SNTB1: variants seen among roughly 807,000 people sequenced by gnomAD.
The protein encoded by SNTB1 is beta-1-syntrophin.
A neutral mutation model predicts 48.9 loss-of-function variants in SNTB1; 36 were observed. That is an observed-to-expected ratio of 0.74 (90% CI 0.56 to 0.97). The LOEUF (loss-of-function observed/expected upper bound fraction) is 0.97. SNTB1 is among the 50% of genes least tolerant of loss of function. SNTB1 has a pLI of 0.00. For missense variants in SNTB1, 786 were observed against 703.4 expected, an observed-to-expected ratio of 1.12 and a Z score of -1.33; for synonymous variants, 299 against 294.6, an observed-to-expected ratio of 1.01 and a Z score of -0.15.
At chr8:120,705,745 C>T (rs986238359) in intron 1 of SNTB1, among the ~76,000 whole-genome samples, 3 of 152,194 alleles carry the variant, frequency 2.0e-5, no homozygotes, top group Admixed American at 6.5e-5. Context: ...AGATACATTA[C>T]CAAGCATAAA....
rs1330390453 is a variant in SNTB1 at position 120,669,494 on chromosome 8, G to A, written c.788+24198C>T. 1.8e-4 allele frequency among the ~76,000 whole-genome samples: 16 copies of A among 87,750 alleles called. 3 individuals are homozygous for A. In the South Asian group the frequency reaches 4.3e-3, roughly 24 times the overall value. The allele number at this position is 87,750 out of a possible 152,430, so 57.6% of individuals were successfully genotyped here. A position where few individuals can be genotyped will look rare whatever the true frequency, so the allele number is the denominator to read the frequency against. ...GGAGTCTCGCTCTGTCGCCCAGGCC[G>A]GACTGCGGACTGCAGTGGCGCAATC... On this transcript the variant is annotated intron_variant, in intron 2 of 6. Coordinates refer to ENST00000517992, the MANE Select transcript of SNTB1 (RefSeq NM_021021.4).
At position 120,634,977 on chromosome 8, in the gene SNTB1, G is replaced by A. The variant is rs573123734; in HGVS notation, c.789-2326C>T. Among the ~76,000 whole-genome samples the A allele has an allele frequency of 1.3e-4, 19 of 151,424 alleles. No homozygotes were observed. In the South Asian group the frequency reaches 2.9e-3, roughly 23 times the overall value. On this transcript the variant is annotated intron_variant, in intron 2 of 6. Coordinates refer to ENST00000517992, the MANE Select transcript of SNTB1 (RefSeq NM_021021.4). ...CGCCATTCTCCTGCCTCAGCCTCCC[G>A]AGTAGCTGGGACCACAGGCACCCGC...
chr8:120,807,265 A>G (rs987348526), intron 1 of SNTB1, among the ~76,000 whole-genome samples: 4 of 152,222 alleles, frequency 2.6e-5, no homozygotes, highest in African/African-American at 9.7e-5. Context: ...CTATTTTACT[A>G]TCAATCCAAG....
At chr8:120,585,154 A>G (rs1229330775) in intron 3 of SNTB1, among the ~76,000 whole-genome samples, 1 of 152,222 alleles carries the variant, frequency 6.6e-6, no homozygotes, top group Non-Finnish European at 1.5e-5. Flanking sequence ...TAATCCTTTC[A>G]GCAACACTTT....
intron 1 of SNTB1, among the ~76,000 whole-genome samples, chr8:120,740,770 T>TTA (rs1563586256): frequency 1.3e-5 from 2 of 152,004 alleles, no homozygotes; most frequent in African/African-American, 4.8e-5. Flanking sequence ...CTTTTTTTTT[T>TTA]AATCACTTTT....
intron 2 of SNTB1, among the ~76,000 whole-genome samples, chr8:120,634,836 G>C (rs921264822): frequency 6.6e-6 from 1 of 151,524 alleles, no homozygotes; most frequent in Non-Finnish European, 1.5e-5. Flanking sequence ...GGGAACTTTA[G>C]CCATAATTAG....
chr8:120,576,381 T>G (rs998694227), intron 3 of SNTB1, among the ~76,000 whole-genome samples: 10 of 152,342 alleles, frequency 6.6e-5, no homozygotes, highest in Middle Eastern at 3.4e-3. Flanking sequence ...TTATTATTAC[T>G]TTATCTTAAG....
At chr8:120,569,806 A>T (rs1331955881) in intron 4 of SNTB1, among the ~76,000 whole-genome samples, 1 of 152,136 alleles carries the variant, frequency 6.6e-6, no homozygotes, top group Non-Finnish European at 1.5e-5. Context: ...GAGGGTGAGG[A>T]TCTGAATTGT....
intron 4 of SNTB1, among the ~76,000 whole-genome samples, chr8:120,563,878 G>A (rs1815703946): frequency 6.6e-6 from 1 of 152,122 alleles, no homozygotes; most frequent in South Asian, 2.1e-4. Flanking sequence ...GGGAGGCCAA[G>A]GCGAGTGGAT....
At chr8:120,572,892 G>T (rs558052551) in intron 4 of SNTB1, among the ~76,000 whole-genome samples, 2 of 152,170 alleles carry the variant, frequency 1.3e-5, no homozygotes, top group East Asian at 3.9e-4. Flanking sequence ...TCCAGACTGG[G>T]TGACAAGAGT....
rs948192116 is a variant in SNTB1 at position 120,541,729 on chromosome 8, G to A, written c.1524+81C>T. On this transcript the variant is annotated intron_variant, in intron 6 of 6. Coordinates refer to ENST00000517992, the MANE Select transcript of SNTB1 (RefSeq NM_021021.4). ...AGCACATCATTAGCAGTCAAATGCC[G>A]AATAAGAGTAAGGCAGCATTATGTT... 67 of 1,041,372 alleles carry A rather than the reference G, an allele frequency of 6.4e-5. 1 individual carries two copies. Among genetic ancestry groups the A allele is most frequent in the Non-Finnish European group, 8.4e-5 (62 of 737,168 alleles). The allele number at this position is 1,041,372 out of a possible 1,614,324, so 64.5% of individuals were successfully genotyped here.
At chr8:120,691,688 A>C (rs1019189646) in intron 2 of SNTB1, among the ~76,000 whole-genome samples, 2 of 152,156 alleles carry the variant, frequency 1.3e-5, no homozygotes, top group African/African-American at 4.8e-5. Context: ...TTAAATGTGA[A>C]GTTTTTCAGT....
chr8:120,588,800 G>A (rs1816190834), intron 3 of SNTB1, among the ~76,000 whole-genome samples: 2 of 152,208 alleles, frequency 1.3e-5, no homozygotes, highest in African/African-American at 4.8e-5. Context: ...GCTTCAGAAT[G>A]AGTGGCGCTG....
chr8:120,801,812 A>T (rs1396916165), intron 1 of SNTB1, among the ~76,000 whole-genome samples: 1 of 152,112 alleles, frequency 6.6e-6, no homozygotes, highest in Non-Finnish European at 1.5e-5. Flanking sequence ...TTTAAATTAA[A>T]TTATCTATCT....
At chr8:120,658,093 C>G (rs1179956116) in intron 2 of SNTB1, among the ~76,000 whole-genome samples, 2 of 152,178 alleles carry the variant, frequency 1.3e-5, no homozygotes, top group Non-Finnish European at 2.9e-5. Context: ...TCTACTAAAT[C>G]TTTCCTTAGT....
Position 120,789,156 on chromosome 8 carries a change from C to T in SNTB1, c.571+22117G>A, listed in dbSNP as rs28813806. On this transcript the variant is annotated intron_variant, in intron 1 of 6. Transcript: ENST00000517992. ...TCCAGAATGATTTTTGTTTTAACAACGAAATAAAGATGAAAATTTAAGAAT... is the reference window on the plus strand; with the variant it reads ...TCCAGAATGATTTTTGTTTTAACAATGAAATAAAGATGAAAATTTAAGAAT... Among the ~76,000 whole-genome samples, 348 of 151,742 alleles carry T rather than the reference C, an allele frequency of 2.3e-3. 1 individual carries two copies. Among genetic ancestry groups the T allele is most frequent in the African/African-American group, 7.7e-3 (317 of 41,398 alleles).
chr8:120,560,351 C>T (rs1280435539), intron 4 of SNTB1, among the ~76,000 whole-genome samples: 1 of 152,056 alleles, frequency 6.6e-6, no homozygotes, highest in African/African-American at 2.4e-5. Flanking sequence ...GGCTTGGTGG[C>T]GGGCACCTGT....
At chr8:120,745,100 A>AG (rs1248147367) in intron 1 of SNTB1, among the ~76,000 whole-genome samples, 4 of 151,698 alleles carry the variant, frequency 2.6e-5, no homozygotes, top group African/African-American at 9.7e-5. Flanking sequence ...GTGGAAAAAA[A>AG]GAGGTCTCGG....
chr8:120,548,924 G>A lies in SNTB1; in HGVS notation c.1171C>T (p.Gln391Ter), dbSNP rs1815430941. ...VHSGPGKGSP[Q>*]AGVDLSFATR... Reference sequence around the variant, plus strand: ...GCAAAGGACAGATCCACACCAGCCTGGGGTGATCCCTTTCCTGGACCTGAA... The same window carrying A: ...GCAAAGGACAGATCCACACCAGCCTAGGGTGATCCCTTTCCTGGACCTGAA... The change falls in exon 5 of 7, where the codon CAG (glutamine) becomes TAG (stop). Residue 391 changes from glutamine (Q) to a stop codon, truncating the protein, a stop_gained. Transcript: ENST00000517992. LOFTEE classifies it high-confidence loss of function. 6.2e-7 allele frequency: 1 copy of A among 1,602,040 alleles called. No homozygotes were observed. Among genetic ancestry groups the A allele is most frequent in the African/African-American group, 1.3e-5 (1 of 74,714 alleles).
Sources: allele counts gnomAD v4.1 joint callset (sites outside exome capture counted in the v4.1 genomes callset), GRCh38; gene constraint gnomAD v4.1.1; transcripts MANE v1.5; gene names NCBI Gene and HGNC (gene_info 2026-07-23, HGNC 2026-07-21).